Variants in R3HDM2 observed in about 807,000 individuals in gnomAD.
The protein encoded by R3HDM2 is R3H domain-containing protein 2.
A neutral mutation model predicts 124.5 loss-of-function variants in R3HDM2; 38 were observed. The ratio of observed to expected loss-of-function variants is 0.31; its 90% CI spans 0.24 to 0.40. The LOEUF (loss-of-function observed/expected upper bound fraction) is 0.40, where lower values mean the gene tolerates loss of function less well. R3HDM2 is among the 10% of genes least tolerant of loss of function. R3HDM2 has a pLI of 1.00. For synonymous variants in R3HDM2, 391 were observed against 448.0 expected (o/e 0.87, Z 1.61); for missense variants, 869 against 1,236.9 (o/e 0.70, Z 4.46).
intron 13 of R3HDM2, among the ~76,000 whole-genome samples, chr12:57,282,714 T>C (rs1441567602): frequency 2.6e-5 from 4 of 151,454 alleles, no homozygotes; most frequent in Non-Finnish European, 5.9e-5. Flanking sequence ...GAGATATCAG[T>C]TTGGGCGCCA....
At chr12:57,394,716 G>T (rs1221531669) in intron 2 of R3HDM2, among the ~76,000 whole-genome samples, 2 of 151,962 alleles carry the variant, frequency 1.3e-5, no homozygotes, top group African/African-American at 2.4e-5. Context: ...ACCAAGAAGG[G>T]TCCTATAAGC....
At chr12:57,268,541 G>A in intron 17 of R3HDM2, 84 bp from the exon 18 acceptor site, 1 of 1,414,276 alleles carries the variant, frequency 7.1e-7, no homozygotes, top group Non-Finnish European at 9.8e-7. Context: ...ACGAGATCAG[G>A]GCATTACAAC....
intron 1 of R3HDM2, chr12:57,415,417 C>T (rs2069477031): frequency 6.6e-6 from 1 of 151,894 alleles, no homozygotes; most frequent in Non-Finnish European, 1.5e-5. Flanking sequence ...AAAAAAGAAA[C>T]CACTAGTACA....
At chr12:57,271,702 AG>A (rs1158453412) in intron 14 of R3HDM2, among the ~76,000 whole-genome samples, 3 of 152,218 alleles carry the variant, frequency 2.0e-5, no homozygotes, top group African/African-American at 7.2e-5. Flanking sequence ...AAAACAATTC[AG>A]GGCTCCTACA....
chr12:57,264,521 G>A (rs1047053223), intron 19 of R3HDM2, among the ~76,000 whole-genome samples: 21 of 151,348 alleles, frequency 1.4e-4, no homozygotes, highest in African/African-American at 3.9e-4. Context: ...GCAGTGAGCC[G>A]AGATTGCACC....
intron 7 of R3HDM2, 134 bp downstream of exon 7, chr12:57,297,956 C>T: frequency 2.9e-6 from 2 of 699,612 alleles, no homozygotes; most frequent in African/African-American, 1.8e-5. Context: ...AAAACTATAC[C>T]TGACAAATAC....
At position 57,300,595 on chromosome 12, in the gene R3HDM2, T is replaced by G. The variant is rs571203313; in HGVS notation, c.208-414A>C. ...TTTGTACTTACAAGCTATGAGACCC[T>G]GAGCAAATTACCTGACCTCTCCAGG... On this transcript the variant is annotated intron_variant, in intron 4 of 23. Transcript: ENST00000402412. Among the ~76,000 whole-genome samples, 165 of 152,346 alleles carry G rather than the reference T, an allele frequency of 1.1e-3. 1 individual carries two copies. Among genetic ancestry groups the G allele is most frequent in the African/African-American group, 3.8e-3 (158 of 41,584 alleles).
At chr12:57,303,329 C>T (rs2051692504) in intron 3 of R3HDM2, 112 bp from the exon 4 acceptor site, 3 of 953,792 alleles carry the variant, frequency 3.1e-6, no homozygotes, top group Admixed American at 2.2e-5. Context: ...ATTACAACAG[C>T]CAAACTATGA....
At chr12:57,314,817 T>G (rs1419723422) in intron 2 of R3HDM2, among the ~76,000 whole-genome samples, 1 of 152,154 alleles carries the variant, frequency 6.6e-6, no homozygotes, top group Admixed American at 6.5e-5. Context: ...TCAAATTTAT[T>G]TGTCAGAAAG....
intron 19 of R3HDM2, among the ~76,000 whole-genome samples, chr12:57,266,106 C>CTTTTTTTT (rs74991749): frequency 9.0e-6 from 1 of 111,172 alleles, no homozygotes. Context: ...CATAATTTTT[C>CTTTTTTTT]TTTTTTTTTT....
chr12:57,374,268 G>A (rs974632649), intron 2 of R3HDM2, among the ~76,000 whole-genome samples: 7 of 152,106 alleles, frequency 4.6e-5, no homozygotes, highest in East Asian at 1.9e-4. Context: ...ACAGGGACCC[G>A]TGATCGTGCC....
At chr12:57,417,820 T>C (rs1442902454) in intron 1 of R3HDM2, among the ~76,000 whole-genome samples, 1 of 152,210 alleles carries the variant, frequency 6.6e-6, no homozygotes, top group Non-Finnish European at 1.5e-5. Flanking sequence ...TACTGGGTTA[T>C]CTGTCAGGAA....
intron 20 of R3HDM2, among the ~76,000 whole-genome samples, chr12:57,258,547 G>A (rs1021066474): frequency 6.6e-6 from 1 of 151,874 alleles, no homozygotes; most frequent in African/African-American, 2.4e-5. Flanking sequence ...GTATCACCAC[G>A]TTGGTCTCAA....
chr12:57,270,947 T>C (rs940737505), intron 14 of R3HDM2, among the ~76,000 whole-genome samples: 2 of 152,336 alleles, frequency 1.3e-5, no homozygotes, highest in Middle Eastern at 3.4e-3. Context: ...CAGGACAAAC[T>C]AGCGGCTTAA....
chr12:57,379,533 T>C (rs1170742268), intron 2 of R3HDM2, among the ~76,000 whole-genome samples: 2 of 151,892 alleles, frequency 1.3e-5, no homozygotes, highest in African/African-American at 4.8e-5. Context: ...TGAGCTGAGA[T>C]TGCACCATTG....
intron 1 of R3HDM2, among the ~76,000 whole-genome samples, chr12:57,406,639 CA>C (rs2068550553): frequency 1.3e-5 from 2 of 152,038 alleles, no homozygotes; most frequent in Admixed American, 1.3e-4. Flanking sequence ...TAATGAAGTT[CA>C]ATGAAGTAAG....
At position 57,257,988 on chromosome 12, in the gene R3HDM2, A is replaced by G; in HGVS notation, c.2449+2T>C. On this transcript the variant is annotated splice_donor_variant, in intron 21 of 23. Transcript: ENST00000402412. LOFTEE classifies it high-confidence loss of function. ...GCAGCCAGCACTAATCTAACCCCCTACCCTGTGCTGGACCCCCAGGCCGGG... is the reference window on the plus strand; with the variant it reads ...GCAGCCAGCACTAATCTAACCCCCTGCCCTGTGCTGGACCCCCAGGCCGGG... 1 of 1,543,442 alleles carries G rather than the reference A, an allele frequency of 6.5e-7. No homozygotes were observed.
chr12:57,295,736 G>GA, intron 9 of R3HDM2: 2 of 490,074 alleles, frequency 4.1e-6, no homozygotes, highest in Non-Finnish European at 7.3e-6. Flanking sequence ...TCAGTGAAGT[G>GA]AAGAGAGGCT....
intron 17 of R3HDM2, 35 bp from the exon 18 acceptor site, chr12:57,268,492 G>A (rs1319887939): frequency 2.5e-5 from 41 of 1,608,784 alleles, no homozygotes; most frequent in Non-Finnish European, 3.4e-5. Context: ...AATCACATTC[G>A]CATTCACATT....
Sources: allele counts gnomAD v4.1 joint callset (sites outside exome capture counted in the v4.1 genomes callset), GRCh38; gene constraint gnomAD v4.1.1; transcripts MANE v1.5; gene names NCBI Gene and HGNC (gene_info 2026-07-23, HGNC 2026-07-21).